Variants in RAB38 observed in about 807,000 individuals in gnomAD.
The protein encoded by RAB38 is ras-related protein Rab-38.
RAB38 carries 15 observed loss-of-function variants against 18.4 expected under a neutral mutation model. That is an observed-to-expected ratio of 0.82 (90% CI 0.55 to 1.26). The LOEUF (loss-of-function observed/expected upper bound fraction) is 1.26, where lower values mean the gene tolerates loss of function less well. RAB38 is among the 50% of genes most tolerant of loss of function. The pLI is 0.00. For synonymous variants in RAB38, 101 were observed against 104.4 expected (o/e 0.97, Z 0.20); for missense variants, 294 against 267.4 (o/e 1.10, Z -0.69).
chr11:88,019,346 A>C, the RAB38 span, among the ~76,000 whole-genome samples: 2 of 152,168 alleles, frequency 1.3e-5, no homozygotes, highest in East Asian at 3.9e-4. Flanking sequence ...ATCTGCCAGC[A>C]CATCCTCTCA....
At chr11:87,856,828 G>A in the RAB38 span, among the ~76,000 whole-genome samples, 3 of 151,996 alleles carry the variant, frequency 2.0e-5, no homozygotes, top group African/African-American at 7.3e-5. Flanking sequence ...AGGCTTATCT[G>A]TACTTGATTG....
chr11:87,809,378 T>G, the RAB38 span, among the ~76,000 whole-genome samples: 7 of 152,238 alleles, frequency 4.6e-5, no homozygotes, highest in African/African-American at 1.7e-4. Flanking sequence ...GACTTTCAAA[T>G]GTGATAGACA....
rs752403222 is a variant in RAB38 at position 88,114,111 on chromosome 11, T to C, written c.513A>G (p.Arg171=). The part of the protein sequence containing the change: ...KENINIDEAS[R]CLVKHILANE... ...TTGCAAGTATGTGTTTCACCAGGCA[T>C]CTGGAGGCTTCATCAATGTTTATAT... Residue 171 remains arginine, a synonymous_variant, in exon 3 of 3, where the codon AGA becomes AGG. Coordinates refer to ENST00000243662, the MANE Select transcript of RAB38 (RefSeq NM_022337.3). 4 of 1,614,056 alleles carry C rather than the reference T, an allele frequency of 2.5e-6. No individual in the cohort carries two copies. In the African/African-American group the frequency reaches 5.3e-5, roughly 22 times the overall value.
At chr11:88,033,016 G>A in the RAB38 span, among the ~76,000 whole-genome samples, 1 of 152,098 alleles carries the variant, frequency 6.6e-6, no homozygotes, top group Non-Finnish European at 1.5e-5. Context: ...AGAAAATGTG[G>A]CACATATACA....
At chr11:87,930,746 G>C in the RAB38 span, among the ~76,000 whole-genome samples, 1 of 152,122 alleles carries the variant, frequency 6.6e-6, no homozygotes, top group Non-Finnish European at 1.5e-5. Context: ...TTTTGTACAA[G>C]GTATAAGGAA....
chr11:87,943,328 A>G, the RAB38 span, among the ~76,000 whole-genome samples: 1 of 152,192 alleles, frequency 6.6e-6, no homozygotes, highest in South Asian at 2.1e-4. Context: ...TTGTGGGTTG[A>G]TGATACATGG....
the RAB38 span, among the ~76,000 whole-genome samples, chr11:87,879,177 C>A: frequency 6.6e-6 from 1 of 151,478 alleles, no homozygotes; most frequent in Non-Finnish European, 1.5e-5. Flanking sequence ...ATTCCTACAT[C>A]AATTACCAAA....
the RAB38 span, among the ~76,000 whole-genome samples, chr11:87,888,920 G>A: frequency 6.6e-6 from 1 of 151,944 alleles, no homozygotes; most frequent in African/African-American, 2.4e-5. Context: ...AATTGGTGCT[G>A]TCTGCAAGTG....
chr11:88,031,707 C>G, the RAB38 span, among the ~76,000 whole-genome samples: 3,396 of 151,324 alleles, frequency 0.022, 119 homozygotes, highest in African/African-American at 0.078. Context: ...GAACTACAAA[C>G]CACTGCTCAA....
At chr11:88,097,750 T>C in the RAB38 span, among the ~76,000 whole-genome samples, 1 of 151,854 alleles carries the variant, frequency 6.6e-6, no homozygotes, top group Non-Finnish European at 1.5e-5. Context: ...GTAGAAGTCC[T>C]AAAAATCTAG....
chr11:87,950,083 G>A, the RAB38 span, among the ~76,000 whole-genome samples: 42 of 152,264 alleles, frequency 2.8e-4, no homozygotes, highest in Non-Finnish European at 5.3e-4. Flanking sequence ...CCTGTATTGG[G>A]TGCATATATA....
At chr11:88,170,464 C>T (rs1316531966) in intron 1 of RAB38, among the ~76,000 whole-genome samples, 1 of 152,138 alleles carries the variant, frequency 6.6e-6, no homozygotes, top group Non-Finnish European at 1.5e-5. Flanking sequence ...TAGTTAAGTC[C>T]GAATCCTATC....
At chr11:88,028,377 G>A in the RAB38 span, among the ~76,000 whole-genome samples, 2 of 152,218 alleles carry the variant, frequency 1.3e-5, no homozygotes, top group Non-Finnish European at 2.9e-5. Flanking sequence ...AAGCTGGAAA[G>A]AGAATGACTT....
intron 1 of RAB38, among the ~76,000 whole-genome samples, chr11:88,170,655 T>C (rs1305767101): frequency 1.3e-5 from 2 of 152,218 alleles, no homozygotes; most frequent in Non-Finnish European, 2.9e-5. Flanking sequence ...TCTTCTGCTG[T>C]CATGTCACAT....
chr11:87,895,153 C>G, the RAB38 span, among the ~76,000 whole-genome samples: 1 of 151,516 alleles, frequency 6.6e-6, no homozygotes, highest in Admixed American at 6.6e-5. Context: ...ATTGCTCTAG[C>G]GGGGCCTCTG....
the RAB38 span, among the ~76,000 whole-genome samples, chr11:88,051,995 T>A: frequency 6.6e-6 from 1 of 152,222 alleles, no homozygotes; most frequent in Non-Finnish European, 1.5e-5. Flanking sequence ...TGGTGACTCA[T>A]GCCTGTAATC....
chr11:87,869,528 A>G, the RAB38 span, among the ~76,000 whole-genome samples: 1 of 151,648 alleles, frequency 6.6e-6, no homozygotes, highest in African/African-American at 2.4e-5. Context: ...TGGAAAATGC[A>G]ATAATTTTAT....
At chr11:87,951,968 G>T in the RAB38 span, among the ~76,000 whole-genome samples, 1 of 152,058 alleles carries the variant, frequency 6.6e-6, no homozygotes, top group Non-Finnish European at 1.5e-5. Context: ...TGTTGCTCAC[G>T]CTGGGAGCTG....
At chr11:87,926,403 C>G in the RAB38 span, among the ~76,000 whole-genome samples, 1 of 152,034 alleles carries the variant, frequency 6.6e-6, no homozygotes, top group African/African-American at 2.4e-5. Context: ...ACTCAGCCAT[C>G]GACTTCCGGA....
Sources: allele counts gnomAD v4.1 joint callset (sites outside exome capture counted in the v4.1 genomes callset), GRCh38; gene constraint gnomAD v4.1.1; transcripts MANE v1.5; gene names NCBI Gene and HGNC (gene_info 2026-07-23, HGNC 2026-07-21).